ANKRD53: variants seen among roughly 807,000 people sequenced by gnomAD.
ANKRD53 encodes ankyrin repeat domain-containing protein 53.
ANKRD53 carries 27 observed loss-of-function variants against 30.1 expected under a neutral mutation model. That is an observed-to-expected ratio of 0.90 (90% CI 0.66 to 1.24). ANKRD53 has a LOEUF of 1.24. Ranked by LOEUF, ANKRD53 falls within the 50% of genes most tolerant of loss-of-function variation. The pLI is 0.00. For missense variants in ANKRD53, 682 were observed against 721.0 expected (o/e 0.95, Z 0.62); for synonymous variants, 286 against 295.4 (o/e 0.97, Z 0.33).
Position 70,984,037 on chromosome 2 carries a change from C to G in ANKRD53, c.904-574C>G. 3 of 1,309,724 alleles carry G rather than the reference C, an allele frequency of 2.3e-6. No individual in the cohort carries two copies. The South Asian group carries it at 3.7e-5, about 16-fold the overall frequency. The allele number at this position is 1,309,724 out of a possible 1,614,324, so 81.1% of individuals were successfully genotyped here. ...GCCTGGAGAGCCAGCCAACTGTATC[C>G]TCCCTACATGACTTCTCAAGGCCCA... On this transcript the variant is annotated intron_variant, in intron 5 of 5. Transcript: ENST00000360589.
Position 70,979,146 on chromosome 2 carries a change from C to G in ANKRD53, c.220C>G (p.Leu74Val), listed in dbSNP as rs372851224. ...ADHLSAQATALARPRRPASLT... is the reference protein window; with the variant it reads ...ADHLSAQATAVARPRRPASLT... ...CCACCTCAGTGCGCAGGCGACTGCC[C>G]TCGCCAGGCCGCGCCGCCCTGCCTC... Residue 74 changes from leucine to valine, a missense_variant, in exon 2 of 6, where the codon CTC becomes GTC. Transcript: ENST00000360589. 135 of 1,609,538 alleles carry G rather than the reference C, an allele frequency of 8.4e-5. 2 individuals carry two copies. The Middle Eastern group carries it at 1.7e-3, about 20-fold the overall frequency.
intron 5 of ANKRD53, chr2:70,984,397 T>A: frequency 6.4e-7 from 1 of 1,555,908 alleles, no homozygotes; most frequent in South Asian, 1.2e-5. Context: ...GCCCAGGGGC[T>A]CCCTTATGGA....
chr2:70,981,045 T>C (rs1414910362), intron 3 of ANKRD53, among the ~76,000 whole-genome samples: 9 of 152,276 alleles, frequency 5.9e-5, no homozygotes, highest in Non-Finnish European at 1.0e-4. Context: ...TCAGAAAAGA[T>C]CCCCAGGTGC....
In ANKRD53 at chr2:70,982,050, C is replaced by T. The variant is rs144749045; in HGVS notation, c.732C>T (p.Gly244=). 7 of 1,613,596 alleles carry T rather than the reference C, an allele frequency of 4.3e-6. No homozygotes were observed. Among genetic ancestry groups the T allele is most frequent in the Non-Finnish European group, 5.1e-6 (6 of 1,179,738 alleles). ...ACGTCCATGCCCAAGATGCCATGGG[C>T]TACAAACCCATTGACTTCTGCAAAA... is the stretch of plus-strand genomic sequence containing the variant. ...GANVHAQDAM[G]YKPIDFCKIW... The change falls in exon 4 of 6, where the codon GGC becomes GGT. Residue 244 remains glycine, a synonymous_variant. Coordinates refer to ENST00000360589, the MANE Select transcript of ANKRD53 (RefSeq NM_001115116.2). This position sits in a 1 kb window ranked among gnomAD's most constrained non-coding sequence, Gnocchi z 4.2.
rs782567791 is a variant in ANKRD53 at position 70,979,100 on chromosome 2, GC to G, written c.178del (p.Leu60CysfsTer68). 4.8e-5 allele frequency: 74 copies of G among 1,532,492 alleles called. No homozygotes were observed. In the African/African-American group the frequency reaches 8.9e-4, roughly 19 times the overall value. The allele number at this position is 1,532,492 out of a possible 1,614,324, so 94.9% of individuals were successfully genotyped here. On this transcript the variant is annotated frameshift_variant, in exon 2 of 6. Coordinates refer to ENST00000360589, the MANE Select transcript of ANKRD53 (RefSeq NM_001115116.2). LOFTEE classifies it high-confidence loss of function. ...TCCCCACTGCCCCGCCCTCCAGCCA[GC>G]CCCTGCCCGACCTCGCAGACCACCT... is the stretch of plus-strand genomic sequence containing the variant. Reference protein sequence around the residue: ...TDAESKQPSQPLPDLADHLSA... With the variant: ...TDAESKQPSQXLPDLADHLSA...
At chr2:70,983,992 G>T in intron 5 of ANKRD53, 1 of 792,008 alleles carries the variant, frequency 1.3e-6, no homozygotes, top group Non-Finnish European at 2.1e-6. Flanking sequence ...GACAGAGCTA[G>T]ATTGAGTTGC....
chr2:70,985,249 G>C lies in ANKRD53; in HGVS notation c.1542G>C (p.Val514=). Residue 514 remains valine (V), a synonymous_variant, in exon 6 of 6, where the codon GTG becomes GTC. Coordinates refer to ENST00000360589, the MANE Select transcript of ANKRD53 (RefSeq NM_001115116.2). The part of the protein sequence containing the change: ...DTFDEAFLAA[V]RSHQGLPTLP... ...TCGATGAAGCCTTCCTGGCAGCTGT[G>C]CGATCTCATCAAGGACTCCCCACCC... The C allele has an allele frequency of 6.4e-7, 1 of 1,551,064 alleles. No individual in the cohort carries two copies. Among genetic ancestry groups the C allele is most frequent in the South Asian group, 1.2e-5 (1 of 84,058 alleles).
At chr2:70,983,918 A>T (rs1043614451) in intron 5 of ANKRD53, among the ~76,000 whole-genome samples, 4 of 152,176 alleles carry the variant, frequency 2.6e-5, no homozygotes, top group Non-Finnish European at 5.9e-5. Flanking sequence ...ACAGTCTGGG[A>T]TAGTGAGACA....
Position 70,982,060 on chromosome 2 carries a change from A to T in ANKRD53, c.742A>T (p.Ile248Phe). The T allele has an allele frequency of 6.2e-7, 1 of 1,612,880 alleles. No individual in the cohort carries two copies. Among genetic ancestry groups the T allele is most frequent in the South Asian group, 1.1e-5 (1 of 90,904 alleles). Residue 248 changes from isoleucine to phenylalanine, a missense_variant, in exon 4 of 6, where the codon ATT becomes TTT. Ile to Phe is a conservative substitution (Grantham distance 21). Transcript: ENST00000360589. The surrounding 1 kb of genome is among the most constrained non-coding windows in gnomAD (Gnocchi z 4.2). ...CCAAGATGCCATGGGCTACAAACCCATTGACTTCTGCAAAATATGGAACCA... is the reference window on the plus strand; with the variant it reads ...CCAAGATGCCATGGGCTACAAACCCTTTGACTTCTGCAAAATATGGAACCA... ...HAQDAMGYKP[I>F]DFCKIWNHRA...
At chr2:70,984,311 C>T in intron 5 of ANKRD53, 4 of 1,613,364 alleles carry the variant, frequency 2.5e-6, no homozygotes, top group Non-Finnish European at 3.4e-6. Flanking sequence ...TGGAGTCTCA[C>T]CTAGGGCAGA....
rs1553424334 is a variant in ANKRD53, at chr2:70,984,675, G to A, written c.968G>A (p.Gly323Asp). The A allele has an allele frequency of 1.9e-6, 3 of 1,614,122 alleles. No homozygotes were observed. The highest frequency in any genetic ancestry group is 1.7e-5 in the Admixed American group (1 of 60,020). The change falls in exon 6 of 6, where the codon GGC (glycine) becomes GAC (aspartate). Residue 323 changes from glycine to aspartate, a missense_variant. Physicochemically the swap from Gly to Asp is moderately conservative, Grantham distance 94. Transcript: ENST00000360589. ...RKWLHGKLHP[G>D]HSLVSNTKQA... ...TGGCTCCACGGCAAGCTGCACCCAGGCCACTCTCTGGTCTCCAATACCAAG... is the reference window on the plus strand; with the variant it reads ...TGGCTCCACGGCAAGCTGCACCCAGACCACTCTCTGGTCTCCAATACCAAG...
At position 70,982,430 on chromosome 2, in the gene ANKRD53, C is replaced by A; in HGVS notation, c.783-147C>A. On this transcript the variant is annotated intron_variant, in intron 4 of 5. Coordinates refer to ENST00000360589, the MANE Select transcript of ANKRD53 (RefSeq NM_001115116.2). The surrounding 1 kb of genome is among the most constrained non-coding windows in gnomAD (Gnocchi z 4.2). ...AAGGAAGTAGGGAGCCAGAGGGCCC[C>A]GGGCAATGGGGATGGCTCATCTTGC... 2 of 1,157,116 alleles carry A rather than the reference C, an allele frequency of 1.7e-6. No homozygotes were observed. The highest frequency in any genetic ancestry group is 2.4e-6 in the Non-Finnish European group (2 of 824,530). 71.7% of individuals were successfully genotyped at this position (1,157,116 alleles called of 1,614,324 possible). A position where few individuals can be genotyped will look rare whatever the true frequency, so the allele number is the denominator to read the frequency against.
chr2:70,985,383 G>A lies in ANKRD53; in HGVS notation c.*83G>A. 3.0e-6 allele frequency: 4 copies of A among 1,327,836 alleles called. No individual in the cohort carries two copies. The highest frequency in any genetic ancestry group is 4.1e-6 in the Non-Finnish European group (4 of 971,474). 82.3% of individuals were successfully genotyped at this position (1,327,836 alleles called of 1,614,324 possible). A position where few individuals can be genotyped will look rare whatever the true frequency, so the allele number is the denominator to read the frequency against. ...TTCACGTTGTGGGTGGCGAGGAAAG[G>A]GGGAGGGGTGCCTATGGGCTTCCCA... On this transcript the variant is annotated 3_prime_UTR_variant, in exon 6 of 6. Coordinates refer to ENST00000360589, the MANE Select transcript of ANKRD53 (RefSeq NM_001115116.2).
Position 70,979,801 on chromosome 2 carries a change from C to G in ANKRD53, c.558C>G (p.Asn186Lys). Residue 186 changes from asparagine (N) to lysine (K), a missense_variant, in exon 3 of 6, where the codon AAC (asparagine) becomes AAG (lysine). Asn to Lys is a moderately conservative substitution (Grantham distance 94). Coordinates refer to ENST00000360589, the MANE Select transcript of ANKRD53 (RefSeq NM_001115116.2). ...TPLHLVIHRD[N>K]TTVALPCIYY... The stretch of plus-strand genomic sequence containing the variant: ...TGCACCTCGTCATCCACAGGGACAA[C>G]ACCACCGTGGCCCTCCCCTGCATCT... The G allele has an allele frequency of 6.2e-7, 1 of 1,614,260 alleles. No individual in the cohort carries two copies.
Position 70,982,068 on chromosome 2 carries a change from C to T in ANKRD53, c.750C>T (p.Phe250=). The change falls in exon 4 of 6, where the codon TTC becomes TTT. Residue 250 remains phenylalanine (F), a synonymous_variant. Transcript: ENST00000360589. This position sits in a 1 kb window ranked among gnomAD's most constrained non-coding sequence, Gnocchi z 4.2. ...CCATGGGCTACAAACCCATTGACTT[C>T]TGCAAAATATGGAACCACCGTGCCT... ...QDAMGYKPID[F]CKIWNHRACA... 1 of 1,612,402 alleles carries T rather than the reference C, an allele frequency of 6.2e-7. No individual in the cohort carries two copies. The highest frequency in any genetic ancestry group is 8.5e-7 in the Non-Finnish European group (1 of 1,179,198).
chr2:70,983,426 G>A (rs1670069902), intron 5 of ANKRD53, among the ~76,000 whole-genome samples: 1 of 152,250 alleles, frequency 6.6e-6, no homozygotes, highest in Non-Finnish European at 1.5e-5. Context: ...ATCAGTGAAG[G>A]ACCTTGGCTG....
Position 70,982,732 on chromosome 2 carries a change from G to A in ANKRD53, c.903+35G>A. The A allele has an allele frequency of 6.2e-7, 1 of 1,609,704 alleles. No individual in the cohort carries two copies. The highest frequency in any genetic ancestry group is 8.5e-7 in the Non-Finnish European group (1 of 1,177,550). The stretch of plus-strand genomic sequence containing the variant: ...ACAGCAGGGGGGCCAGGGGACAGCT[G>A]CTATCCAGGCATGTGAGCAGAGGGG... On this transcript the variant is annotated intron_variant, in intron 5 of 5. Coordinates refer to ENST00000360589, the MANE Select transcript of ANKRD53 (RefSeq NM_001115116.2). This position sits in a 1 kb window ranked among gnomAD's most constrained non-coding sequence, Gnocchi z 4.2.
rs926413735 is a variant in ANKRD53, at chr2:70,984,634, A to T, written c.927A>T (p.Glu309Asp). The T allele has an allele frequency of 6.2e-7, 1 of 1,613,998 alleles. No individual in the cohort carries two copies. The highest frequency in any genetic ancestry group is 1.3e-5 in the African/African-American group (1 of 74,942). ...EYQKEHKILR[E>D]AAIRKWLHGK... The stretch of plus-strand genomic sequence containing the variant: ...AGAAAGAGCACAAAATTCTCAGAGA[A>T]GCTGCTATCAGAAAGTGGCTCCACG... The change falls in exon 6 of 6, where the codon GAA (glutamate) becomes GAT (aspartate). Residue 309 changes from glutamate (E) to aspartate (D), a missense_variant. Glu to Asp is a conservative substitution (Grantham distance 45). Coordinates refer to ENST00000360589, the MANE Select transcript of ANKRD53 (RefSeq NM_001115116.2).
intron 3 of ANKRD53, among the ~76,000 whole-genome samples, chr2:70,981,368 G>A (rs1333062176): frequency 6.6e-6 from 1 of 152,110 alleles, no homozygotes; most frequent in Non-Finnish European, 1.5e-5. Flanking sequence ...GGGTGATGGT[G>A]TAGGGGGTAA....
Sources: gnomAD v4.1 joint callset for allele counts (sites outside exome capture counted in the v4.1 genomes callset) on GRCh38, gnomAD v4.1.1 for gene constraint, Gnocchi (gnomAD v3.1) non-coding constraint, MANE v1.5 for transcripts, NCBI Gene and HGNC (gene_info 2026-07-23, HGNC 2026-07-21) for gene names.